STRA6: variants seen among roughly 807,000 people sequenced by gnomAD.
STRA6 encodes the protein receptor for retinol uptake STRA6.
In STRA6, 48 loss-of-function variants were observed where a neutral mutation model predicts 83.6. The observed-to-expected ratio is 0.57, with a 90% CI of 0.46 to 0.73. The LOEUF (loss-of-function observed/expected upper bound fraction) is 0.73, where lower values mean the gene tolerates loss of function less well. STRA6 is among the 30% of genes least tolerant of loss of function. The probability of loss-of-function intolerance (pLI) is 0.00; values close to 1 mark genes in which losing one functional copy is unlikely to be tolerated. For missense variants in STRA6, 760 were observed against 838.8 expected, an observed-to-expected ratio of 0.91 and a Z score of 1.16; for synonymous variants, 353 against 362.3, an observed-to-expected ratio of 0.97 and a Z score of 0.29.
intron 14 of STRA6, chr15:74,182,793 G>A: frequency 2.8e-6 from 1 of 354,602 alleles, no homozygotes; most frequent in Non-Finnish European, 5.4e-6. Flanking sequence ...GGGGGATAAG[G>A]CTACATATTA....
upstream of STRA6, among the ~76,000 whole-genome samples, chr15:74,203,677 G>C (rs1426253465): frequency 1.3e-5 from 2 of 152,214 alleles, no homozygotes; most frequent in African/African-American, 4.8e-5. Context: ...TGAGCCCTGA[G>C]GCAGGAGAGA....
Position 74,181,393 on chromosome 15 carries a change from G to A in STRA6, c.1586C>T (p.Ala529Val), listed in dbSNP as rs201175968. The A allele has an allele frequency of 6.2e-7, 1 of 1,613,486 alleles. No individual in the cohort carries two copies. The highest frequency in any genetic ancestry group is 8.5e-7 in the Non-Finnish European group (1 of 1,179,708). Residue 529 changes from alanine (A) to valine (V), a missense_variant, in exon 17 of 19, where the codon GCC becomes GTC. Transcript: ENST00000395105. ...GGCAGAGAGGAGCACTCGCCAGGTG[G>A]CCACCATGGCACCCACCAGCACATT... ...PLNVLVGAMV[A>V]TWRVLLSALY...
intron 14 of STRA6, chr15:74,183,613 C>T: frequency 1.5e-6 from 2 of 1,370,422 alleles, no homozygotes; most frequent in Non-Finnish European, 1.9e-6. Flanking sequence ...TTGGTGGCAC[C>T]CAGGGTTCAT....
intron 2 of STRA6, 23 bp downstream of exon 2, chr15:74,202,132 A>T (rs758660937): frequency 6.8e-7 from 1 of 1,469,998 alleles, no homozygotes; most frequent in Non-Finnish European, 9.0e-7. Context: ...TGACAGAGTG[A>T]GGTGGGGTGG....
chr15:74,196,358 A>T lies in STRA6; in HGVS notation c.267-211T>A, dbSNP rs1200101157. 64 of 745,856 alleles carry T rather than the reference A, an allele frequency of 8.6e-5. 1 individual carries two copies. The highest frequency in any genetic ancestry group is 1.3e-4 in the Non-Finnish European group (62 of 466,458). 46.2% of individuals were successfully genotyped at this position (745,856 alleles called of 1,614,324 possible). A position where few individuals can be genotyped will look rare whatever the true frequency, so the allele number is the denominator to read the frequency against. ...GCCCCGTGCCAAAGGGACTTGGGAC[A>T]CACATACAGTGGGAAGAAGCCCTAA... On this transcript the variant is annotated intron_variant, in intron 4 of 18. Transcript: ENST00000395105.
rs1166209027 is a variant in STRA6 at position 74,182,274 on chromosome 15, G to T, written c.1419-12C>A. On this transcript the variant is annotated splice_polypyrimidine_tract_variant and intron_variant, in intron 15 of 18. Coordinates refer to ENST00000395105, the MANE Select transcript of STRA6 (RefSeq NM_022369.4). ...TCAGCCAGAAGGGCCTGCCAGTGGGGTGGGGAGGTGGTCGCTGTTAGCGGA... is the reference window on the plus strand; with the variant it reads ...TCAGCCAGAAGGGCCTGCCAGTGGGTTGGGGAGGTGGTCGCTGTTAGCGGA... 1 of 1,614,128 alleles carries T rather than the reference G, an allele frequency of 6.2e-7. No individual in the cohort carries two copies. Among genetic ancestry groups the T allele is most frequent in the South Asian group, 1.1e-5 (1 of 91,090 alleles).
At chr15:74,194,285 G>A in intron 7 of STRA6, 1 of 1,061,122 alleles carries the variant, frequency 9.4e-7, no homozygotes, top group Non-Finnish European at 1.2e-6. Flanking sequence ...GCCTGCCTTT[G>A]CCTACATATA....
rs1409022440 is a variant in STRA6, at chr15:74,180,063, G to T, written c.*17C>A. ...TGCCTCAGCACAGATGGGCAGGTGG[G>T]TTGACCTTCCCTGCCCTCAGGGCTG... On this transcript the variant is annotated 3_prime_UTR_variant, in exon 19 of 19. Coordinates refer to ENST00000395105, the MANE Select transcript of STRA6 (RefSeq NM_022369.4). The T allele has an allele frequency of 1.2e-6, 2 of 1,610,060 alleles. No individual in the cohort carries two copies. The highest frequency in any genetic ancestry group is 1.7e-6 in the Non-Finnish European group (2 of 1,177,016).
chr15:74,204,058 C>T (rs567589004), upstream of STRA6, among the ~76,000 whole-genome samples: 19 of 152,328 alleles, frequency 1.2e-4, no homozygotes, highest in Admixed American at 3.3e-4. Context: ...AGCCTGAGTT[C>T]CTCCCCCTTC....
chr15:74,194,954 C>T (rs2073738445), intron 7 of STRA6: 3 of 1,429,966 alleles, frequency 2.1e-6, no homozygotes, highest in Non-Finnish European at 2.7e-6. Flanking sequence ...AGCTTCACTC[C>T]CATTCCCTCT....
In STRA6 at chr15:74,180,923, G is replaced by A. The variant is rs750864641; in HGVS notation, c.1699C>T (p.Arg567Ter). 19 of 1,613,870 alleles carry A rather than the reference G, an allele frequency of 1.2e-5. No homozygotes were observed. The highest frequency in any genetic ancestry group is 1.4e-5 in the Non-Finnish European group (17 of 1,179,958). Residue 567 changes from arginine to a stop codon, truncating the protein, a stop_gained, in exon 18 of 19, where the codon CGA becomes TGA. Coordinates refer to ENST00000395105, the MANE Select transcript of STRA6 (RefSeq NM_022369.4). LOFTEE classifies it high-confidence loss of function. ...CTGACTTCAATCTTCAAGAAGTTTC[G>A]GTACGTGTAGTAGCCTGGGGTGGGG... ...ATLDPGYYTY[R>*]NFLKIEVSQS...
Position 74,196,401 on chromosome 15 carries a change from C to G in STRA6, c.267-254G>C. On this transcript the variant is annotated intron_variant, in intron 4 of 18. Transcript: ENST00000395105. ...AGCCCTAAGACTGCTCCTCCGCCCACCCTGGAAGCTCCAGGAAGCAGCCAC... is the reference window on the plus strand; with the variant it reads ...AGCCCTAAGACTGCTCCTCCGCCCAGCCTGGAAGCTCCAGGAAGCAGCCAC... 4 of 538,338 alleles carry G rather than the reference C, an allele frequency of 7.4e-6. No homozygotes were observed. In the South Asian group the frequency reaches 8.3e-5, roughly 11 times the overall value. The allele number at this position is 538,338 out of a possible 1,614,324, so 33.3% of individuals were successfully genotyped here.
upstream of STRA6, among the ~76,000 whole-genome samples, chr15:74,206,752 G>GAA (rs2074269904): frequency 1.3e-5 from 2 of 152,212 alleles, no homozygotes; most frequent in Middle Eastern, 3.2e-3. Flanking sequence ...AGAATGAATT[G>GAA]ACACGTGTCT....
At chr15:74,211,462 G>A (rs2142125335), upstream of STRA6, among the ~76,000 whole-genome samples, 1 of 143,484 alleles carries the variant, frequency 7.0e-6, no homozygotes, top group South Asian at 2.2e-4. Context: ...GTGCAATGGT[G>A]CTATCTCAGT....
chr15:74,191,052 T>A, intron 10 of STRA6, 115 bp downstream of exon 10: 1 of 1,566,626 alleles, frequency 6.4e-7, no homozygotes, highest in Non-Finnish European at 8.7e-7. Context: ...CTGGTAGTTG[T>A]CCCTCTTGAT....
At chr15:74,195,919 T>C in intron 5 of STRA6, 89 bp downstream of exon 5, 1 of 1,571,692 alleles carries the variant, frequency 6.4e-7, no homozygotes, top group Non-Finnish European at 8.7e-7. Flanking sequence ...CCTGTTACTC[T>C]CATCTCCTTG....
chr15:74,189,423 G>A, intron 11 of STRA6, 146 bp from the exon 12 acceptor site: 1 of 1,227,270 alleles, frequency 8.1e-7, no homozygotes, highest in Non-Finnish European at 1.2e-6. Flanking sequence ...CTTAGAGCAG[G>A]GATCTCACGC....
Position 74,194,240 on chromosome 15 carries a change from G to A in STRA6, c.598-318C>T, listed in dbSNP as rs562426283. 393 of 782,082 alleles carry A rather than the reference G, an allele frequency of 5.0e-4. 7 individuals are homozygous for A. In the South Asian group the frequency reaches 6.6e-3, roughly 13 times the overall value. The allele number at this position is 782,082 out of a possible 1,614,324, so 48.4% of individuals were successfully genotyped here. A position where few individuals can be genotyped will look rare whatever the true frequency, so the allele number is the denominator to read the frequency against. On this transcript the variant is annotated intron_variant, in intron 7 of 18. Coordinates refer to ENST00000395105, the MANE Select transcript of STRA6 (RefSeq NM_022369.4). Reference sequence around the variant, plus strand: ...CACCTCTTTCTGTTTCTGTGTTCCCGGAGCATTAGGAACAGTTCTGAAAAT... The same window carrying A: ...CACCTCTTTCTGTTTCTGTGTTCCCAGAGCATTAGGAACAGTTCTGAAAAT...
chr15:74,195,743 G>T lies in STRA6; in HGVS notation c.407-68C>A, dbSNP rs916110731. 25 of 940,556 alleles carry T rather than the reference G, an allele frequency of 2.7e-5. No individual in the cohort carries two copies. In the Admixed American group the frequency reaches 4.9e-4, roughly 19 times the overall value. The allele number at this position is 940,556 out of a possible 1,614,324, so 58.3% of individuals were successfully genotyped here. On this transcript the variant is annotated intron_variant, in intron 5 of 18. Transcript: ENST00000395105. ...TGAGAAGGTGGATATATAATGCTTA[G>T]CATGGTGCCTGAGCAAATACTCAAT...
Sources: gnomAD v4.1 joint callset for allele counts (sites outside exome capture counted in the v4.1 genomes callset) on GRCh38, gnomAD v4.1.1 for gene constraint, MANE v1.5 for transcripts, NCBI Gene and HGNC (gene_info 2026-07-23, HGNC 2026-07-21) for gene names.